Variants in DRC11 observed in about 807,000 individuals in gnomAD.
DRC11 encodes dynein regulatory complex subunit 11.
chr2:236,359,922 G>T, the DRC11 span, among the ~76,000 whole-genome samples: 5 of 152,130 alleles, frequency 3.3e-5, no homozygotes, highest in African/African-American at 1.2e-4. The surrounding 1 kb of genome is among the most constrained non-coding windows in gnomAD (Gnocchi z 4.3). Flanking sequence ...AGTGGCCCAG[G>T]TGGGTGAATG....
the DRC11 span, among the ~76,000 whole-genome samples, chr2:236,366,073 G>A: frequency 6.6e-6 from 1 of 152,158 alleles, no homozygotes. Flanking sequence ...GAGGGGTCTG[G>A]CAGGAGATGA....
chr2:236,416,068 C>T, the DRC11 span, among the ~76,000 whole-genome samples: 1 of 152,134 alleles, frequency 6.6e-6, no homozygotes. Flanking sequence ...ATCGGGTTCC[C>T]TGGAAACACT....
chr2:236,443,955 T>G, the DRC11 span, among the ~76,000 whole-genome samples: 1 of 151,864 alleles, frequency 6.6e-6, no homozygotes, highest in African/African-American at 2.4e-5. The surrounding 1 kb of genome is among the most constrained non-coding windows in gnomAD (Gnocchi z 4.4). Context: ...TGAGCTTGTT[T>G]TGACATATTT....
chr2:236,450,559 T>C, the DRC11 span, among the ~76,000 whole-genome samples: 3 of 152,076 alleles, frequency 2.0e-5, no homozygotes, highest in Admixed American at 6.6e-5. Context: ...ACCTCGTGAC[T>C]CACCCGCCTC....
the DRC11 span, among the ~76,000 whole-genome samples, chr2:236,367,195 GAC>G: frequency 6.7e-6 from 1 of 149,552 alleles, no homozygotes; most frequent in African/African-American, 2.4e-5. This position sits in a 1 kb window ranked among gnomAD's most constrained non-coding sequence, Gnocchi z 4.8. Flanking sequence ...TATTTCCATT[GAC>G]ACTTATACAT....
chr2:236,459,520 T>TACGTATATACGTATAC, the DRC11 span, among the ~76,000 whole-genome samples: 194 of 113,972 alleles, frequency 1.7e-3, 1 homozygote, highest in African/African-American at 5.9e-3. Context: ...TACGTATACA[T>TACGTATATACGTATAC]GTATACATGT....
At chr2:236,467,910 T>C in the DRC11 span, among the ~76,000 whole-genome samples, 3 of 152,110 alleles carry the variant, frequency 2.0e-5, no homozygotes, top group African/African-American at 7.2e-5. Flanking sequence ...CTCTAAGAAA[T>C]ACCTATGAAC....
At chr2:236,419,853 T>C in the DRC11 span, among the ~76,000 whole-genome samples, 1 of 152,232 alleles carries the variant, frequency 6.6e-6, no homozygotes, top group Non-Finnish European at 1.5e-5. This position sits in a 1 kb window ranked among gnomAD's most constrained non-coding sequence, Gnocchi z 4.8. Context: ...AGAATTATTA[T>C]AGATTTGTTA....
chr2:236,338,111 C>T, the DRC11 span: 53 of 1,271,402 alleles, frequency 4.2e-5, no homozygotes, highest in Middle Eastern at 2.8e-4. Flanking sequence ...ACTCATCTGG[C>T]GCCCACCGGG....
chr2:236,405,974 C>T, the DRC11 span, among the ~76,000 whole-genome samples: 36 of 152,188 alleles, frequency 2.4e-4, no homozygotes, highest in African/African-American at 8.0e-4. This position sits in a 1 kb window ranked among gnomAD's most constrained non-coding sequence, Gnocchi z 4.6. Flanking sequence ...ACTGGAACTG[C>T]GAAAAGTGAA....
chr2:236,504,034 C>T, the DRC11 span, among the ~76,000 whole-genome samples: 8,371 of 152,156 alleles, frequency 0.055, 793 homozygotes, highest in African/African-American at 0.19. This position sits in a 1 kb window ranked among gnomAD's most constrained non-coding sequence, Gnocchi z 5.0. Context: ...GCAACTACCA[C>T]CATTATCTAA....
At chr2:236,483,180 C>A in the DRC11 span, among the ~76,000 whole-genome samples, 1 of 152,164 alleles carries the variant, frequency 6.6e-6, no homozygotes, top group Non-Finnish European at 1.5e-5. This position sits in a 1 kb window ranked among gnomAD's most constrained non-coding sequence, Gnocchi z 4.8. Flanking sequence ...GCATAATGTC[C>A]TTCAGGTTTA....
chr2:236,360,643 A>G, the DRC11 span, among the ~76,000 whole-genome samples: 1 of 152,188 alleles, frequency 6.6e-6, no homozygotes, highest in Non-Finnish European at 1.5e-5. The surrounding 1 kb of genome is among the most constrained non-coding windows in gnomAD (Gnocchi z 5.8). Flanking sequence ...CCTTCAAATC[A>G]TTGGCTAACT....
At chr2:236,422,328 C>T in the DRC11 span, among the ~76,000 whole-genome samples, 1 of 152,180 alleles carries the variant, frequency 6.6e-6, no homozygotes, top group Non-Finnish European at 1.5e-5. Context: ...AGCCCAAAAT[C>T]TCCTTAAGCT....
chr2:236,386,408 G>C, the DRC11 span, among the ~76,000 whole-genome samples: 1 of 152,104 alleles, frequency 6.6e-6, no homozygotes, highest in Non-Finnish European at 1.5e-5. Context: ...TATGTGTCCA[G>C]GAATTTATCC....
chr2:236,374,505 T>C, the DRC11 span, among the ~76,000 whole-genome samples: 2 of 152,148 alleles, frequency 1.3e-5, no homozygotes, highest in African/African-American at 4.8e-5. Context: ...TTTAATTGGC[T>C]CACGGTTCCG....
chr2:236,414,426 A>G, the DRC11 span, among the ~76,000 whole-genome samples: 1 of 152,150 alleles, frequency 6.6e-6, no homozygotes, highest in Non-Finnish European at 1.5e-5. Context: ...CTAGAGATTC[A>G]TTTTGTTGCC....
the DRC11 span, among the ~76,000 whole-genome samples, chr2:236,390,758 G>C: frequency 2.6e-5 from 4 of 151,684 alleles, no homozygotes; most frequent in Non-Finnish European, 4.4e-5. This position sits in a 1 kb window ranked among gnomAD's most constrained non-coding sequence, Gnocchi z 5.9. Flanking sequence ...GGGTTTGTGG[G>C]AGGCCCATGG....
At chr2:236,497,447 C>T in the DRC11 span, 43 of 1,613,096 alleles carry the variant, frequency 2.7e-5, no homozygotes, top group East Asian at 4.5e-5. The surrounding 1 kb of genome is among the most constrained non-coding windows in gnomAD (Gnocchi z 5.1). Context: ...AGTAAAGCAC[C>T]GAGGGCTTCT....
Sources: allele counts gnomAD v4.1 joint callset (sites outside exome capture counted in the v4.1 genomes callset), GRCh38; gene constraint gnomAD v4.1.1; non-coding constraint Gnocchi (gnomAD v3.1); transcripts MANE v1.5; gene names NCBI Gene and HGNC (gene_info 2026-07-23, HGNC 2026-07-21).